ERBB4: variants seen among roughly 807,000 people sequenced by gnomAD.
ERBB4 encodes erb-b2 receptor tyrosine kinase 4.
In ERBB4, 42 loss-of-function variants were observed where a neutral mutation model predicts 158.0. The ratio of observed to expected loss-of-function variants is 0.27; its 90% confidence interval spans 0.21 to 0.34. The LOEUF (loss-of-function observed/expected upper bound fraction) is 0.34. ERBB4 is among the 10% of genes least tolerant of loss of function. The pLI is 1.00. For synonymous variants in ERBB4, 583 were observed against 558.7 expected, an observed-to-expected ratio of 1.04 and a Z score of -0.61; for missense variants, 1,333 against 1,624.1, an observed-to-expected ratio of 0.82 and a Z score of 3.08.
chr2:211,440,772 T>G (rs1359912386), intron 20 of ERBB4, among the ~76,000 whole-genome samples: 1 of 152,214 alleles, frequency 6.6e-6, no homozygotes, highest in Non-Finnish European at 1.5e-5. Flanking sequence ...AGTTTATTTA[T>G]AACTGCTGAA....
intron 20 of ERBB4, among the ~76,000 whole-genome samples, chr2:211,454,583 A>G (rs1048201777): frequency 6.6e-6 from 1 of 152,142 alleles, no homozygotes; most frequent in Non-Finnish European, 1.5e-5. Context: ...AGGGGTTTTT[A>G]AGGTGATGTG....
chr2:212,101,350 C>CATATATATATATAT (rs56091369), intron 2 of ERBB4, among the ~76,000 whole-genome samples: 10 of 143,100 alleles, frequency 7.0e-5, no homozygotes, highest in African/African-American at 1.0e-4. Flanking sequence ...ACACCCTATA[C>CATATATATATATAT]ATATATATAT....
chr2:211,831,739 T>TA (rs1039158610), intron 3 of ERBB4, among the ~76,000 whole-genome samples: 9 of 152,004 alleles, frequency 5.9e-5, no homozygotes, highest in African/African-American at 2.2e-4. Flanking sequence ...CCATATCTAC[T>TA]AAAAATACAA....
chr2:212,527,281 C>A (rs1396632921), intron 1 of ERBB4, among the ~76,000 whole-genome samples: 2 of 151,972 alleles, frequency 1.3e-5, no homozygotes, highest in African/African-American at 4.8e-5. Flanking sequence ...TTATTTCATC[C>A]AAAGATATAC....
At chr2:211,871,378 G>C (rs2078340901) in intron 3 of ERBB4, among the ~76,000 whole-genome samples, 1 of 151,828 alleles carries the variant, frequency 6.6e-6, no homozygotes, top group African/African-American at 2.4e-5. Flanking sequence ...CTATATATTG[G>C]GGCCATTTTT....
chr2:212,478,995 T>C (rs1689547787), intron 1 of ERBB4, among the ~76,000 whole-genome samples: 2 of 152,164 alleles, frequency 1.3e-5, no homozygotes, highest in African/African-American at 4.8e-5. Context: ...TTTTGTTGTA[T>C]CATTATTGCC....
At chr2:211,750,065 T>C (rs2075085763) in intron 5 of ERBB4, among the ~76,000 whole-genome samples, 1 of 152,156 alleles carries the variant, frequency 6.6e-6, no homozygotes, top group Non-Finnish European at 1.5e-5. Context: ...CTATATGTCT[T>C]AGCAATGATG....
At chr2:211,592,200 C>T (rs74959725) in intron 19 of ERBB4, among the ~76,000 whole-genome samples, 45 of 136,312 alleles carry the variant, frequency 3.3e-4, no homozygotes, top group African/African-American at 1.0e-3. Context: ...GGGCTTTGGG[C>T]GTTATCAATC....
At chr2:212,215,061 T>A (rs1220649164) in intron 1 of ERBB4, among the ~76,000 whole-genome samples, 1 of 151,606 alleles carries the variant, frequency 6.6e-6, no homozygotes, top group Non-Finnish European at 1.5e-5. Context: ...TGTTAAGGAA[T>A]CAGGTTGTGA....
At position 211,537,853 on chromosome 2, in the gene ERBB4, T is replaced by A. The variant is rs375393513; in HGVS notation, c.2487+24050A>T. On this transcript the variant is annotated intron_variant, in intron 20 of 27. Transcript: ENST00000342788. ...GTGTAGTTGTAATACAAAAGAAACT[T>A]CCGTATAAATTTCTCTCATTTTCCT... Among the ~76,000 whole-genome samples the A allele has an allele frequency of 8.5e-5, 13 of 152,080 alleles. No individual in the cohort carries two copies. The East Asian group carries it at 1.9e-3, about 23-fold the overall frequency.
chr2:211,444,132 G>C (rs945972587), intron 20 of ERBB4, among the ~76,000 whole-genome samples: 2 of 94,762 alleles, frequency 2.1e-5, no homozygotes, highest in East Asian at 5.5e-4. Context: ...TTTCATTTCT[G>C]TGTATAATTA....
chr2:211,681,654 T>A (rs1275247616), intron 12 of ERBB4, among the ~76,000 whole-genome samples: 1 of 152,176 alleles, frequency 6.6e-6, no homozygotes, highest in Non-Finnish European at 1.5e-5. Flanking sequence ...TATTTTTACA[T>A]ATCTCGTTTG....
intron 20 of ERBB4, among the ~76,000 whole-genome samples, chr2:211,533,574 C>A (rs1173587431): frequency 6.6e-6 from 1 of 152,030 alleles, no homozygotes; most frequent in Non-Finnish European, 1.5e-5. Flanking sequence ...AATATACAAT[C>A]TTCTGCCTCA....
chr2:211,827,527 T>A (rs2077128599), intron 3 of ERBB4, among the ~76,000 whole-genome samples: 1 of 152,026 alleles, frequency 6.6e-6, no homozygotes, highest in Non-Finnish European at 1.5e-5. Flanking sequence ...CATGTTGGGA[T>A]TTTATTTTTA....
At chr2:212,054,511 T>C (rs994223161) in intron 2 of ERBB4, among the ~76,000 whole-genome samples, 3 of 152,190 alleles carry the variant, frequency 2.0e-5, no homozygotes, top group African/African-American at 4.8e-5. Flanking sequence ...AAAGAGTTTC[T>C]ACTGGAAGAA....
At chr2:211,878,124 C>T (rs984657319) in intron 3 of ERBB4, among the ~76,000 whole-genome samples, 9 of 152,030 alleles carry the variant, frequency 5.9e-5, no homozygotes, top group Admixed American at 2.0e-4. Flanking sequence ...AACAAACAAA[C>T]AACAACAAAA....
intron 3 of ERBB4, among the ~76,000 whole-genome samples, chr2:211,902,536 T>G (rs999050752): frequency 7.9e-5 from 12 of 151,960 alleles, no homozygotes; most frequent in African/African-American, 2.7e-4. Flanking sequence ...TCTATGTATA[T>G]GTAAGAGAAA....
At chr2:211,490,805 G>C (rs1466716231) in intron 20 of ERBB4, among the ~76,000 whole-genome samples, 1 of 152,026 alleles carries the variant, frequency 6.6e-6, no homozygotes, top group Non-Finnish European at 1.5e-5. Flanking sequence ...CTATTAAATA[G>C]AGTGGGGAAG....
At chr2:212,527,917 T>C (rs758176289) in intron 1 of ERBB4, among the ~76,000 whole-genome samples, 8 of 139,214 alleles carry the variant, frequency 5.7e-5, no homozygotes, top group South Asian at 2.3e-4. Context: ...TGTGTTCTCA[T>C]TGTCCAATTC....
Sources: gnomAD v4.1 joint callset for allele counts (sites outside exome capture counted in the v4.1 genomes callset) on GRCh38, gnomAD v4.1.1 for gene constraint, MANE v1.5 for transcripts, NCBI Gene and HGNC (gene_info 2026-07-23, HGNC 2026-07-21) for gene names.